Variants in KCNU1 observed in about 807,000 individuals in gnomAD.
KCNU1 encodes potassium channel subfamily U member 1.
KCNU1 carries 93 observed loss-of-function variants against 126.8 expected under a neutral mutation model. The ratio of observed to expected loss-of-function variants is 0.73; its 90% CI spans 0.62 to 0.87. KCNU1 has a LOEUF of 0.87. KCNU1 is among the 40% of genes least tolerant of loss of function. The probability of loss-of-function intolerance (pLI) is 0.00; values close to 1 mark genes in which losing one functional copy is unlikely to be tolerated. For missense variants in KCNU1, 1,330 were observed against 1,367.1 expected (o/e 0.97, Z 0.43); for synonymous variants, 523 against 494.2 (o/e 1.06, Z -0.77).
chr8:36,865,520 C>T lies in KCNU1; in HGVS notation c.2009+999C>T, dbSNP rs550898496. Among the ~76,000 whole-genome samples the T allele has an allele frequency of 2.6e-5, 4 of 151,250 alleles. No individual in the cohort carries two copies. The East Asian group carries it at 7.8e-4, about 30-fold the overall frequency. On this transcript the variant is annotated intron_variant, in intron 19 of 26. Transcript: ENST00000399881. ...GCAGCTCATGCCTATAATCCCAGTG[C>T]TTTAGGAGGCTGAGCTGGGAGGATT...
chr8:36,799,007 T>A (rs1803206831), intron 2 of KCNU1, among the ~76,000 whole-genome samples: 1 of 152,188 alleles, frequency 6.6e-6, no homozygotes, highest in African/African-American at 2.4e-5. Flanking sequence ...TTTAAACTAC[T>A]AAATTTTGAG....
intron 24 of KCNU1, among the ~76,000 whole-genome samples, chr8:36,923,348 C>T (rs1808430485): frequency 6.6e-6 from 1 of 152,060 alleles, no homozygotes; most frequent in African/African-American, 2.4e-5. Flanking sequence ...ATAAGTAACA[C>T]AGAGGGATGC....
chr8:36,834,277 C>T (rs543775474), intron 11 of KCNU1, among the ~76,000 whole-genome samples: 2 of 152,024 alleles, frequency 1.3e-5, no homozygotes, highest in Non-Finnish European at 2.9e-5. Flanking sequence ...ATTGACAGAC[C>T]CAGAAAAATA....
intron 19 of KCNU1, among the ~76,000 whole-genome samples, chr8:36,864,731 C>G (rs528521793): frequency 3.0e-4 from 46 of 152,194 alleles, no homozygotes; most frequent in African/African-American, 1.0e-3. Flanking sequence ...TCATCTGTAC[C>G]CATAATAACC....
At chr8:36,934,472 A>G (rs926038800) in intron 26 of KCNU1, among the ~76,000 whole-genome samples, 7 of 151,904 alleles carry the variant, frequency 4.6e-5, no homozygotes, top group Non-Finnish European at 1.0e-4. Context: ...TCTCTACCTG[A>G]ACTCCACCCC....
chr8:36,932,796 A>G (rs1808739165), intron 25 of KCNU1, 124 bp from the exon 26 acceptor site: 8 of 635,784 alleles, frequency 1.3e-5, no homozygotes, highest in Non-Finnish European at 2.0e-5. Context: ...TGCCACCACA[A>G]AGATATTAGG....
intron 18 of KCNU1, among the ~76,000 whole-genome samples, chr8:36,855,709 A>G (rs1033622982): frequency 6.6e-6 from 1 of 151,634 alleles, no homozygotes; most frequent in African/African-American, 2.4e-5. Flanking sequence ...TTGCCAGTTT[A>G]TTCTATTTTT....
intron 2 of KCNU1, among the ~76,000 whole-genome samples, chr8:36,801,362 TG>T (rs1803297442): frequency 6.6e-6 from 1 of 152,166 alleles, no homozygotes; most frequent in Non-Finnish European, 1.5e-5. Flanking sequence ...ATATACATTT[TG>T]CTGTTGGTTT....
chr8:36,849,518 GGT>G lies in KCNU1; in HGVS notation c.1891+3621_1891+3622del, dbSNP rs547397676. Among the ~76,000 whole-genome samples the G allele has an allele frequency of 1.1e-4, 17 of 152,254 alleles. No homozygotes were observed. In the South Asian group the frequency reaches 2.7e-3, roughly 24 times the overall value. On this transcript the variant is annotated intron_variant, in intron 18 of 26. Coordinates refer to ENST00000399881, the MANE Select transcript of KCNU1 (RefSeq NM_001031836.3). ...GCAGGAGAATCTCTTGAACCCAGGA[GGT>G]GCAGGTTGGCAGTGAGCCAAGATCA...
chr8:36,784,733 T>C, intron 1 of KCNU1, 128 bp downstream of exon 1: 1 of 742,714 alleles, frequency 1.3e-6, no homozygotes, highest in East Asian at 2.7e-5. Context: ...TATAGCCTGG[T>C]GCCTCAGAAA....
chr8:36,926,731 TG>T (rs1808545695), intron 24 of KCNU1, among the ~76,000 whole-genome samples: 1 of 152,160 alleles, frequency 6.6e-6, no homozygotes. Flanking sequence ...CTTCTGGGTT[TG>T]ACACTTCCAA....
At chr8:36,788,530 TC>T (rs1284079596) in intron 2 of KCNU1, among the ~76,000 whole-genome samples, 1 of 152,214 alleles carries the variant, frequency 6.6e-6, no homozygotes, top group Non-Finnish European at 1.5e-5. Flanking sequence ...CTAAAGATTA[TC>T]CTCTGTTTTT....
At chr8:36,787,451 G>T (rs1585370706) in intron 2 of KCNU1, 26 bp downstream of exon 2, 2 of 1,583,996 alleles carry the variant, frequency 1.3e-6, no homozygotes, top group Non-Finnish European at 1.7e-6. Context: ...GTGTTAGCTT[G>T]CTAACAAACT....
chr8:36,823,647 A>T (rs1804208512), intron 10 of KCNU1, among the ~76,000 whole-genome samples: 1 of 151,788 alleles, frequency 6.6e-6, no homozygotes, highest in African/African-American at 2.4e-5. Context: ...AGTATATATA[A>T]TAGAGGTACC....
intron 24 of KCNU1, among the ~76,000 whole-genome samples, chr8:36,927,295 C>G (rs1032123697): frequency 6.6e-6 from 1 of 152,090 alleles, no homozygotes; most frequent in African/African-American, 2.4e-5. Flanking sequence ...TTCAAGTGTT[C>G]CTGGTATACT....
intron 10 of KCNU1, among the ~76,000 whole-genome samples, chr8:36,825,492 C>T (rs929863549): frequency 6.6e-6 from 1 of 151,976 alleles, no homozygotes; most frequent in Non-Finnish European, 1.5e-5. Context: ...TTTATCTCTT[C>T]TTGCACCTCT....
intron 23 of KCNU1, among the ~76,000 whole-genome samples, chr8:36,921,648 G>A (rs915751162): frequency 2.3e-5 from 3 of 132,828 alleles, no homozygotes; most frequent in African/African-American, 2.9e-5. Flanking sequence ...CAGCCTGGGC[G>A]ATGAAGTGAG....
At chr8:36,829,020 T>C (rs1804427655) in intron 10 of KCNU1, among the ~76,000 whole-genome samples, 1 of 152,122 alleles carries the variant, frequency 6.6e-6, no homozygotes, top group African/African-American at 2.4e-5. Flanking sequence ...GCTCTACAGA[T>C]GTGGACCTTC....
chr8:36,805,521 C>T (rs931259250), intron 4 of KCNU1, among the ~76,000 whole-genome samples: 9 of 152,170 alleles, frequency 5.9e-5, no homozygotes, highest in Admixed American at 3.9e-4. Context: ...TTGTTAAATG[C>T]CATCATCGTG....
Sources: gnomAD v4.1 joint callset for allele counts (sites outside exome capture counted in the v4.1 genomes callset) on GRCh38, gnomAD v4.1.1 for gene constraint, MANE v1.5 for transcripts, NCBI Gene and HGNC (gene_info 2026-07-23, HGNC 2026-07-21) for gene names.